TOX: variants seen among roughly 807,000 people sequenced by gnomAD.
TOX encodes thymocyte selection-associated high mobility group box protein TOX.
A neutral mutation model predicts 53.7 loss-of-function variants in TOX; 11 were observed. That is an observed-to-expected ratio of 0.20 (90% confidence interval 0.13 to 0.34). The LOEUF is 0.34. Ranked by LOEUF, TOX falls within the 10% of genes least tolerant of loss-of-function variation. The pLI, the probability that TOX is intolerant of heterozygous loss-of-function variation, is 1.00. For missense variants in TOX, 570 were observed against 664.6 expected (o/e 0.86, Z 1.56); for synonymous variants, 225 against 245.3 (o/e 0.92, Z 0.77).
chr8:58,985,719 T>C lies in TOX; in HGVS notation c.103-25711A>G, dbSNP rs1813316222. Among the ~76,000 whole-genome samples the C allele has an allele frequency of 3.3e-5, 5 of 152,222 alleles. No homozygotes were observed. The South Asian group carries it at 8.3e-4, about 25-fold the overall frequency. On this transcript the variant is annotated intron_variant, in intron 1 of 8. Coordinates refer to ENST00000361421, the MANE Select transcript of TOX (RefSeq NM_014729.3). ...AAATGTTAAACAAAGGCAGGACTGG[T>C]ATACATTTTCTGACAAATATCTGCT...
chr8:58,996,717 G>A (rs1405866135), intron 1 of TOX, among the ~76,000 whole-genome samples: 8 of 152,072 alleles, frequency 5.3e-5, no homozygotes, highest in East Asian at 1.9e-4. Flanking sequence ...ACTTTTTATC[G>A]GCAATTTCTA....
intron 3 of TOX, among the ~76,000 whole-genome samples, chr8:58,915,386 C>T (rs1242585227): frequency 3.4e-5 from 3 of 87,942 alleles, no homozygotes; most frequent in African/African-American, 9.6e-5. Context: ...TCAAGTGGGT[C>T]CCTGACCCCT....
At chr8:58,911,833 G>A (rs1265137815) in intron 3 of TOX, among the ~76,000 whole-genome samples, 2 of 152,138 alleles carry the variant, frequency 1.3e-5, no homozygotes, top group African/African-American at 2.4e-5. Context: ...CTTCCAAGTA[G>A]CTGGGATTAC....
At chr8:59,091,390 C>T (rs1016684462) in intron 1 of TOX, among the ~76,000 whole-genome samples, 2 of 152,144 alleles carry the variant, frequency 1.3e-5, no homozygotes, top group Non-Finnish European at 2.9e-5. Context: ...TGACACACCA[C>T]TCTATCCTGG....
intron 1 of TOX, among the ~76,000 whole-genome samples, chr8:59,018,185 C>T (rs747943576): frequency 2.0e-4 from 30 of 152,202 alleles, no homozygotes; most frequent in Non-Finnish European, 2.9e-4. Context: ...TTAAGGAAAT[C>T]GACAGTCCTA....
At position 58,806,025 on chromosome 8, in the gene TOX, A is replaced by C. The variant is rs1045246968; in HGVS notation, c.*1722T>G. On this transcript the variant is annotated 3_prime_UTR_variant, in exon 9 of 9. Coordinates refer to ENST00000361421, the MANE Select transcript of TOX (RefSeq NM_014729.3). ...TCAGCCATTCTCTTGGTTTCCAACCAGACTAACTTTCTTGATATGATCCCC... is the reference window on the plus strand; with the variant it reads ...TCAGCCATTCTCTTGGTTTCCAACCCGACTAACTTTCTTGATATGATCCCC... 6.6e-6 allele frequency: 1 copy of C among 152,652 alleles called. No individual in the cohort carries two copies. Among genetic ancestry groups the C allele is most frequent in the Non-Finnish European group, 1.5e-5 (1 of 68,046 alleles). 9.5% of individuals were successfully genotyped at this position (152,652 alleles called of 1,614,324 possible).
At position 59,118,581 on chromosome 8, in the gene TOX, T is replaced by G. The variant is rs1046502790; in HGVS notation, c.102+305A>C. ...ACACACCCCCAAAGTATTCCACGGT[T>G]TTCTCTTATTATTTTTTTAAACGCC... On this transcript the variant is annotated intron_variant, in intron 1 of 8. Transcript: ENST00000361421. This position sits in a 1 kb window ranked among gnomAD's most constrained non-coding sequence, Gnocchi z 4.1. Among the ~76,000 whole-genome samples, 1 of 152,124 alleles carries G rather than the reference T, an allele frequency of 6.6e-6. No homozygotes were observed. Among genetic ancestry groups the G allele is most frequent in the Middle Eastern group, 3.4e-3 (1 of 294 alleles).
chr8:59,091,456 G>A (rs1361160363), intron 1 of TOX, among the ~76,000 whole-genome samples: 1 of 151,874 alleles, frequency 6.6e-6, no homozygotes, highest in Non-Finnish European at 1.5e-5. Flanking sequence ...CTTAAAACTT[G>A]GGTTATCTCA....
intron 6 of TOX, among the ~76,000 whole-genome samples, chr8:58,818,158 CTCTA>C (rs1810211673): frequency 6.6e-6 from 1 of 152,150 alleles, no homozygotes; most frequent in Admixed American, 6.5e-5. Flanking sequence ...AAAACATTTT[CTCTA>C]TCTAGCCACT....
At chr8:59,021,481 A>ATATATATATATATATATATATATAT (rs1554539852) in intron 1 of TOX, among the ~76,000 whole-genome samples, 5 of 64,726 alleles carry the variant, frequency 7.7e-5, no homozygotes, top group African/African-American at 2.6e-4. Flanking sequence ...AAAAAAAAAA[A>ATATATATATATATATATATATATAT]ATATATATAT....
chr8:58,989,093 T>A (rs1813390899), intron 1 of TOX, among the ~76,000 whole-genome samples: 1 of 152,164 alleles, frequency 6.6e-6, no homozygotes, highest in South Asian at 2.1e-4. Flanking sequence ...GGCAGGTGGA[T>A]CACCTGAGGT....
At chr8:58,871,202 A>G (rs1457652175) in intron 3 of TOX, among the ~76,000 whole-genome samples, 1 of 149,116 alleles carries the variant, frequency 6.7e-6, no homozygotes, top group Non-Finnish European at 1.5e-5. Context: ...GCTACATCCC[A>G]TTTGCTTCCA....
chr8:58,963,322 G>T (rs562651104), intron 1 of TOX, among the ~76,000 whole-genome samples: 15 of 146,684 alleles, frequency 1.0e-4, no homozygotes, highest in African/African-American at 2.3e-4. Context: ...TATATAGATA[G>T]ATAGATAGAT....
At chr8:59,101,062 C>G (rs905977677) in intron 1 of TOX, among the ~76,000 whole-genome samples, 1 of 152,100 alleles carries the variant, frequency 6.6e-6, no homozygotes, top group Non-Finnish European at 1.5e-5. Context: ...GTTCTACTCT[C>G]GGTCATCTCA....
rs186047275 is a variant in TOX, at chr8:58,932,528, C to T, written c.411+6774G>A. 1.1e-3 allele frequency among the ~76,000 whole-genome samples: 167 copies of T among 152,264 alleles called. 1 individual carries two copies. The highest frequency in any genetic ancestry group is 3.6e-3 in the African/African-American group (150 of 41,556). On this transcript the variant is annotated intron_variant, in intron 3 of 8. Coordinates refer to ENST00000361421, the MANE Select transcript of TOX (RefSeq NM_014729.3). The stretch of plus-strand genomic sequence containing the variant: ...CCTCCGTGTTCTGAAAGATGCTTAG[C>T]TCTAGTCCATGGTTACATACTTTAT...
At chr8:58,909,287 C>G (rs1374591054) in intron 3 of TOX, among the ~76,000 whole-genome samples, 1 of 152,114 alleles carries the variant, frequency 6.6e-6, no homozygotes, top group African/African-American at 2.4e-5. Flanking sequence ...TGCAGCAAAC[C>G]ACCATAGCAC....
chr8:58,990,287 G>A (rs1481651026), intron 1 of TOX, among the ~76,000 whole-genome samples: 1 of 152,078 alleles, frequency 6.6e-6, no homozygotes, highest in African/African-American at 2.4e-5. Context: ...TTTTAACCAT[G>A]ATATGGTGGC....
At chr8:58,984,724 A>G (rs1191918062) in intron 1 of TOX, among the ~76,000 whole-genome samples, 2 of 143,596 alleles carry the variant, frequency 1.4e-5, no homozygotes, top group African/African-American at 5.2e-5. Context: ...CGGAGCTTGC[A>G]GGGAGCCAAG....
At chr8:58,815,795 T>C in intron 6 of TOX, 71 bp from the exon 7 acceptor site, 1 of 1,500,686 alleles carries the variant, frequency 6.7e-7, no homozygotes, top group African/African-American at 1.4e-5. Flanking sequence ...TGACGCTTTG[T>C]GAGTTTATTA....
Sources: allele counts gnomAD v4.1 joint callset (sites outside exome capture counted in the v4.1 genomes callset), GRCh38; gene constraint gnomAD v4.1.1; non-coding constraint Gnocchi (gnomAD v3.1); transcripts MANE v1.5; gene names NCBI Gene and HGNC (gene_info 2026-07-23, HGNC 2026-07-21).